The following QTMAN variants were observed in gnomAD, a reference collection of about 807,000 sequenced individuals.
QTMAN encodes tRNA-queuosine alpha-mannosyltransferase.
At chr2:144,268,446 C>T in the QTMAN span, among the ~76,000 whole-genome samples, 1 of 152,246 alleles carries the variant, frequency 6.6e-6, no homozygotes, top group East Asian at 1.9e-4. Flanking sequence ...GGGGCTAGTG[C>T]CCTTATAAAA....
chr2:143,985,449 T>C, the QTMAN span, among the ~76,000 whole-genome samples: 2 of 152,216 alleles, frequency 1.3e-5, no homozygotes, highest in Non-Finnish European at 2.9e-5. Flanking sequence ...CACAAGTACA[T>C]TGGCTGGTAC....
the QTMAN span, among the ~76,000 whole-genome samples, chr2:144,086,372 C>T: frequency 1.3e-5 from 2 of 152,144 alleles, no homozygotes; most frequent in African/African-American, 4.8e-5. Context: ...GTCTCGAACT[C>T]TGGGGCTCAA....
the QTMAN span, among the ~76,000 whole-genome samples, chr2:143,950,475 A>G: frequency 6.6e-6 from 1 of 151,826 alleles, no homozygotes; most frequent in East Asian, 1.9e-4. Context: ...GAGGTTTAAA[A>G]TTTGCAGATG....
the QTMAN span, among the ~76,000 whole-genome samples, chr2:144,061,273 T>C: frequency 6.6e-6 from 1 of 152,202 alleles, no homozygotes; most frequent in Non-Finnish European, 1.5e-5. Context: ...TAATATTTGA[T>C]AAGGAATAAG....
the QTMAN span, among the ~76,000 whole-genome samples, chr2:144,323,942 G>A: frequency 6.6e-6 from 1 of 152,240 alleles, no homozygotes; most frequent in East Asian, 1.9e-4. Flanking sequence ...AGTATTTATT[G>A]GGTTCAGGCA....
the QTMAN span, among the ~76,000 whole-genome samples, chr2:144,134,420 G>T: frequency 6.6e-6 from 1 of 152,088 alleles, no homozygotes; most frequent in Non-Finnish European, 1.5e-5. Flanking sequence ...TGATAAATGA[G>T]ATTACCCCAA....
chr2:144,135,152 T>G, the QTMAN span, among the ~76,000 whole-genome samples: 1 of 152,206 alleles, frequency 6.6e-6, no homozygotes, highest in Non-Finnish European at 1.5e-5. Flanking sequence ...GCTGTAAGTC[T>G]ATAACACATT....
chr2:144,114,587 T>C, the QTMAN span, among the ~76,000 whole-genome samples: 71 of 152,330 alleles, frequency 4.7e-4, no homozygotes, highest in African/African-American at 1.7e-3. Flanking sequence ...AACAAGAGCG[T>C]GTTTTACAAG....
the QTMAN span, among the ~76,000 whole-genome samples, chr2:144,218,915 T>TAAA: frequency 4.9e-4 from 27 of 54,562 alleles, no homozygotes; most frequent in Non-Finnish European, 6.6e-4. Context: ...GGAAAGTATC[T>TAAA]AAAAAAAAAA....
chr2:144,146,989 T>G, the QTMAN span, among the ~76,000 whole-genome samples: 1 of 151,848 alleles, frequency 6.6e-6, no homozygotes, highest in African/African-American at 2.4e-5. Context: ...TTTTCTGTAC[T>G]TAATAAATAC....
chr2:144,250,323 T>C, the QTMAN span, among the ~76,000 whole-genome samples: 4 of 151,862 alleles, frequency 2.6e-5, no homozygotes, highest in African/African-American at 4.8e-5. Context: ...TTTGTATTTT[T>C]AGTAGAGACA....
At chr2:144,276,815 C>G in the QTMAN span, among the ~76,000 whole-genome samples, 1 of 152,168 alleles carries the variant, frequency 6.6e-6, no homozygotes, top group African/African-American at 2.4e-5. Context: ...ATGCCTGTAA[C>G]AGTGTACCTC....
chr2:144,038,069 A>C, the QTMAN span, among the ~76,000 whole-genome samples: 11 of 152,224 alleles, frequency 7.2e-5, no homozygotes, highest in Non-Finnish European at 1.5e-4. Flanking sequence ...TAGTGCTTGC[A>C]ATTTAATGAA....
chr2:144,007,900 C>T, the QTMAN span, among the ~76,000 whole-genome samples: 46 of 152,188 alleles, frequency 3.0e-4, no homozygotes, highest in African/African-American at 1.1e-3. Flanking sequence ...TCAGGCCATA[C>T]TTGTTCATTA....
chr2:144,154,947 C>T, the QTMAN span, among the ~76,000 whole-genome samples: 1 of 152,104 alleles, frequency 6.6e-6, no homozygotes, highest in Non-Finnish European at 1.5e-5. Flanking sequence ...ATCATTCATT[C>T]CCTCAACGAC....
At chr2:144,254,564 G>A in the QTMAN span, among the ~76,000 whole-genome samples, 6 of 152,226 alleles carry the variant, frequency 3.9e-5, no homozygotes, top group Non-Finnish European at 8.8e-5. Flanking sequence ...CTTCTGCTTT[G>A]GCAGTGGGGA....
At chr2:144,275,919 G>A in the QTMAN span, among the ~76,000 whole-genome samples, 1 of 151,920 alleles carries the variant, frequency 6.6e-6, no homozygotes, top group Non-Finnish European at 1.5e-5. Context: ...AAGAACTCTC[G>A]CTAACTATAA....
chr2:144,170,137 A>G, the QTMAN span, among the ~76,000 whole-genome samples: 1 of 152,212 alleles, frequency 6.6e-6, no homozygotes, highest in Non-Finnish European at 1.5e-5. Context: ...ATTTCACTAT[A>G]TGAATATACT....
At chr2:144,267,791 C>T in the QTMAN span, among the ~76,000 whole-genome samples, 1 of 152,078 alleles carries the variant, frequency 6.6e-6, no homozygotes, top group African/African-American at 2.4e-5. Flanking sequence ...GGTGAGTTAG[C>T]CCTAATAGCG....
Sources: allele counts gnomAD v4.1 joint callset (sites outside exome capture counted in the v4.1 genomes callset), GRCh38; gene constraint gnomAD v4.1.1; transcripts MANE v1.5; gene names NCBI Gene and HGNC (gene_info 2026-07-23, HGNC 2026-07-21).